CADM1: variants seen among roughly 807,000 people sequenced by gnomAD.
The protein encoded by CADM1 is TSLC-1.
A neutral mutation model predicts 53.1 loss-of-function variants in CADM1; 15 were observed. That is an observed-to-expected ratio of 0.28 (90% CI 0.19 to 0.44). The LOEUF (loss-of-function observed/expected upper bound fraction) is 0.44, where lower values mean the gene tolerates loss of function less well. Among genes scored for constraint, CADM1 ranks in the 20% least tolerant of loss-of-function variants. The pLI, the probability that CADM1 is intolerant of heterozygous loss-of-function variation, is 1.00. For missense variants in CADM1, 434 were observed against 611.3 expected (o/e 0.71, Z 3.06); for synonymous variants, 281 against 243.0 (o/e 1.16, Z -1.45).
At chr11:115,435,488 T>C (rs1196446800) in intron 1 of CADM1, among the ~76,000 whole-genome samples, 1 of 152,140 alleles carries the variant, frequency 6.6e-6, no homozygotes, top group Non-Finnish European at 1.5e-5. Context: ...ATCCCAGCAC[T>C]TTGGGAGGCC....
intron 1 of CADM1, among the ~76,000 whole-genome samples, chr11:115,301,355 G>A (rs956418819): frequency 1.3e-5 from 2 of 152,150 alleles, no homozygotes; most frequent in Non-Finnish European, 2.9e-5. Context: ...AGACTTGGGT[G>A]TTGGGAAGTT....
At chr11:115,404,915 A>G (rs1947276302) in intron 1 of CADM1, among the ~76,000 whole-genome samples, 2 of 152,136 alleles carry the variant, frequency 1.3e-5, no homozygotes, top group African/African-American at 4.8e-5. Flanking sequence ...CGGCATTAGG[A>G]AACTGAGAGA....
intron 1 of CADM1, among the ~76,000 whole-genome samples, chr11:115,334,124 T>C: frequency 6.6e-6 from 1 of 152,182 alleles, no homozygotes; most frequent in Non-Finnish European, 1.5e-5. Context: ...TTACACTGTG[T>C]ATTTTAGTGC....
At chr11:115,215,874 A>T (rs532327168) in intron 6 of CADM1, among the ~76,000 whole-genome samples, 1 of 152,338 alleles carries the variant, frequency 6.6e-6, no homozygotes, top group East Asian at 1.9e-4. Flanking sequence ...ACACGACAAG[A>T]GACCCATGCT....
chr11:115,330,711 TG>T (rs1945108822), intron 1 of CADM1, among the ~76,000 whole-genome samples: 1 of 152,096 alleles, frequency 6.6e-6, no homozygotes, highest in Non-Finnish European at 1.5e-5. Context: ...CCTACACTAG[TG>T]ACCGCATGTA....
chr11:115,465,426 A>G (rs1474919592), intron 1 of CADM1, among the ~76,000 whole-genome samples: 1 of 152,138 alleles, frequency 6.6e-6, no homozygotes, highest in East Asian at 1.9e-4. Context: ...TAGAAATAAG[A>G]TGTCTAGTTA....
At chr11:115,444,071 C>T (rs116073196) in intron 1 of CADM1, among the ~76,000 whole-genome samples, 1,745 of 151,968 alleles carry the variant, frequency 0.011, 39 homozygotes, top group African/African-American at 0.039. Context: ...TAAAGAAATA[C>T]GGCTCCATGC....
intron 1 of CADM1, among the ~76,000 whole-genome samples, chr11:115,400,663 A>ATG (rs1947128167): frequency 2.7e-4 from 2 of 7,300 alleles, no homozygotes; most frequent in South Asian, 7.8e-3. Flanking sequence ...GTGTGTGTGT[A>ATG]TATATATATA....
chr11:115,308,141 CTGTGTGTGTGTGTGTGTGTG>C (rs199736406), intron 1 of CADM1, among the ~76,000 whole-genome samples: 3 of 133,444 alleles, frequency 2.2e-5, no homozygotes, highest in African/African-American at 5.7e-5. Context: ...AACTCTCTCT[CTGTGTGTGTGTGTGTGTGTG>C]TGTGTGTGTG....
chr11:115,396,924 C>T (rs1283801513), intron 1 of CADM1: 1 of 151,664 alleles, frequency 6.6e-6, no homozygotes, highest in East Asian at 1.9e-4. Context: ...TTTTAATGTA[C>T]TGTGCTGTAT....
intron 1 of CADM1, among the ~76,000 whole-genome samples, chr11:115,256,490 G>C (rs1257348130): frequency 1.3e-5 from 2 of 152,184 alleles, no homozygotes; most frequent in Admixed American, 6.5e-5. Flanking sequence ...GTGCCATCCG[G>C]ATATAGGCTA....
intron 1 of CADM1, among the ~76,000 whole-genome samples, chr11:115,362,280 T>A (rs1946049207): frequency 6.6e-6 from 1 of 152,160 alleles, no homozygotes; most frequent in Non-Finnish European, 1.5e-5. Flanking sequence ...CAAAACATAG[T>A]CAATTTCCTT....
At chr11:115,420,263 C>T (rs1374986092) in intron 1 of CADM1, among the ~76,000 whole-genome samples, 2 of 152,168 alleles carry the variant, frequency 1.3e-5, no homozygotes, top group African/African-American at 2.4e-5. Context: ...ACCACACAAG[C>T]AAGGGGACAA....
At chr11:115,359,126 G>A (rs1945960563) in intron 1 of CADM1, among the ~76,000 whole-genome samples, 1 of 152,004 alleles carries the variant, frequency 6.6e-6, no homozygotes, top group African/African-American at 2.4e-5. Flanking sequence ...TTCATAAGAT[G>A]GTAGAAATTT....
intron 5 of CADM1, chr11:115,218,281 C>T (rs553838875): frequency 9.7e-6 from 4 of 411,092 alleles, no homozygotes; most frequent in African/African-American, 4.1e-5. Context: ...TCCAAACTCA[C>T]TCAAGCTAAA....
chr11:115,395,830 T>A (rs1380495087), intron 1 of CADM1, among the ~76,000 whole-genome samples: 1 of 152,242 alleles, frequency 6.6e-6, no homozygotes, highest in African/African-American at 2.4e-5. Context: ...TTCCTAATTT[T>A]ACATATTATT....
At chr11:115,461,141 A>G (rs1948786866) in intron 1 of CADM1, among the ~76,000 whole-genome samples, 3 of 151,988 alleles carry the variant, frequency 2.0e-5, no homozygotes, top group African/African-American at 7.3e-5. Context: ...ACATACTTGT[A>G]TTATATAATA....
chr11:115,343,078 T>C (rs1210301165), intron 1 of CADM1, among the ~76,000 whole-genome samples: 2 of 152,168 alleles, frequency 1.3e-5, no homozygotes. Flanking sequence ...AATGATTATC[T>C]TGTATTGTGT....
At chr11:115,467,296 G>T (rs991315354) in intron 1 of CADM1, among the ~76,000 whole-genome samples, 1 of 152,092 alleles carries the variant, frequency 6.6e-6, no homozygotes, top group African/African-American at 2.4e-5. Context: ...CTTCAGAGTG[G>T]GTACCTAACA....
Sources: allele counts gnomAD v4.1 joint callset (sites outside exome capture counted in the v4.1 genomes callset), GRCh38; gene constraint gnomAD v4.1.1; transcripts MANE v1.5; gene names NCBI Gene and HGNC (gene_info 2026-07-23, HGNC 2026-07-21).